Variants in HECTD4 observed in about 807,000 individuals in gnomAD.
HECTD4 encodes the protein probable E3 ubiquitin-protein ligase HECTD4.
Under a neutral mutation model 471.5 loss-of-function variants are expected in HECTD4, and 114 were observed. The observed-to-expected ratio is 0.24, with a 90% CI of 0.21 to 0.28. HECTD4 has a LOEUF of 0.28. Among genes scored for constraint, HECTD4 ranks in the 10% least tolerant of loss-of-function variants. The probability of loss-of-function intolerance (pLI) is 1.00; values close to 1 mark genes in which losing one functional copy is unlikely to be tolerated. For synonymous variants in HECTD4, 2,012 were observed against 2,256.0 expected, an observed-to-expected ratio of 0.89 and a Z score of 3.07; for missense variants, 3,866 against 5,651.5, an observed-to-expected ratio of 0.68 and a Z score of 10.13.
At position 112,178,998 on chromosome 12, in the gene HECTD4, C is replaced by T. The variant is rs2031566659; in HGVS notation, c.11296G>A (p.Val3766Met). ...GTGATAGGCCGCTTGGTGCTCACCA[C>T]CTTCACGGGGTGCTGCTCCTTCCCG... ...KAGKEQHPVK[V>M]VSTKRPITKP... is the part of the protein sequence containing the mutation. Residue 3766 changes from valine to methionine, a missense_variant, in exon 64 of 76, where the codon GTG becomes ATG. Around this residue, in one of 16 missense-constraint regions of HECTD4, gnomAD observed 715 missense variants for 1,087.6 expected, o/e 0.66. Transcript: ENST00000682272. The T allele has an allele frequency of 6.2e-7, 1 of 1,613,410 alleles. No homozygotes were observed. The highest frequency in any genetic ancestry group is 1.3e-5 in the African/African-American group (1 of 74,950).
Position 112,163,587 on chromosome 12 carries a change from C to T in HECTD4, c.12852G>A (p.Glu4284=), listed in dbSNP as rs1425447900. ...LLTMLSPLEM[E]LRTCGLPYIN... is the part of the protein sequence containing the mutation. ...TGTAGGGGAGGCCGCAGGTGCGCAGCTCCATCTCCAGTGGGCTGAGCATGG... is the reference window on the plus strand; with the variant it reads ...TGTAGGGGAGGCCGCAGGTGCGCAGTTCCATCTCCAGTGGGCTGAGCATGG... The change falls in exon 74 of 76, where the codon GAG becomes GAA. Residue 4284 remains glutamate, a synonymous_variant. Transcript: ENST00000682272. This position sits in a 1 kb window ranked among gnomAD's most constrained non-coding sequence, Gnocchi z 8.2. 1 of 1,517,936 alleles carries T rather than the reference C, an allele frequency of 6.6e-7. No individual in the cohort carries two copies. Among genetic ancestry groups the T allele is most frequent in the South Asian group, 1.3e-5 (1 of 79,358 alleles). The allele number at this position is 1,517,936 out of a possible 1,614,324, so 94.0% of individuals were successfully genotyped here.
chr12:112,349,502 C>T (rs2036215595), intron 1 of HECTD4, among the ~76,000 whole-genome samples: 1 of 151,712 alleles, frequency 6.6e-6, no homozygotes, highest in Non-Finnish European at 1.5e-5. Context: ...CATGTTATTT[C>T]CTTATCAAGT....
Position 112,273,791 on chromosome 12 carries a change from C to T in HECTD4, c.1806G>A (p.Ala602=), listed in dbSNP as rs369071740. The part of the protein sequence containing the change: ...GRGALVPGLG[A]CYDTVNNMLW... ...GCATGTTGTTCACTGTGTCATAACA[C>T]GCTCCTGCAAAAAGAGCATACTGTA... is the stretch of plus-strand genomic sequence containing the variant. Residue 602 remains alanine, a synonymous_variant, in exon 11 of 76, where the codon GCG becomes GCA. Transcript: ENST00000682272. The T allele has an allele frequency of 3.7e-5, 59 of 1,613,456 alleles. No homozygotes were observed. The highest frequency in any genetic ancestry group is 1.0e-4 in the Admixed American group (6 of 59,954).
chr12:112,237,237 A>C lies in HECTD4; in HGVS notation c.5291-139T>G, dbSNP rs1025867550. The C allele has an allele frequency of 1.2e-5, 7 of 583,688 alleles. No individual in the cohort carries two copies. The Admixed American group carries it at 2.2e-4, about 18-fold the overall frequency. The allele number at this position is 583,688 out of a possible 1,614,324, so 36.2% of individuals were successfully genotyped here. A position where few individuals can be genotyped will look rare whatever the true frequency, so the allele number is the denominator to read the frequency against. ...TCTAATAGTGTCTCCTCATTAGATA[A>C]TGTCTACACATAAAAAGGATAATAG... is the stretch of plus-strand genomic sequence containing the variant. On this transcript the variant is annotated intron_variant, in intron 34 of 75. Transcript: ENST00000682272.
At chr12:112,264,378 A>C (rs1038319987) in intron 16 of HECTD4, among the ~76,000 whole-genome samples, 166 bp from the exon 17 acceptor site, 2 of 152,244 alleles carry the variant, frequency 1.3e-5, no homozygotes, top group Admixed American at 6.5e-5. Context: ...CTTTCCATAC[A>C]TACTTTGACA....
intron 48 of HECTD4, among the ~76,000 whole-genome samples, chr12:112,214,424 C>T (rs988089477): frequency 6.6e-6 from 1 of 152,154 alleles, no homozygotes; most frequent in Non-Finnish European, 1.5e-5. Context: ...TGTCATTGTT[C>T]GCCACGGCAT....
intron 8 of HECTD4, among the ~76,000 whole-genome samples, chr12:112,282,767 T>G (rs1208178121): frequency 6.6e-6 from 1 of 152,232 alleles, no homozygotes; most frequent in Non-Finnish European, 1.5e-5. Context: ...ATTTGCTTGG[T>G]CAAGACTGTA....
Position 112,338,482 on chromosome 12 carries a change from A to G in HECTD4, c.178-18740T>C, listed in dbSNP as rs1238270195. 6.6e-5 allele frequency among the ~76,000 whole-genome samples: 10 copies of G among 152,184 alleles called. No homozygotes were observed. The South Asian group carries it at 1.9e-3, about 28-fold the overall frequency. On this transcript the variant is annotated intron_variant, in intron 1 of 75. Coordinates refer to ENST00000682272, the MANE Select transcript of HECTD4 (RefSeq NM_001388303.1). ...CTAAAAATACAAAAATTAGCTAGAC[A>G]TGGTGGTGCGTGCCTGTAGTCACAG...
chr12:112,294,990 C>T (rs538775319), intron 7 of HECTD4, among the ~76,000 whole-genome samples: 1 of 151,970 alleles, frequency 6.6e-6, no homozygotes, highest in South Asian at 2.1e-4. Context: ...ATTTAATAAG[C>T]TTCTACTGTG....
At position 112,362,882 on chromosome 12, in the gene HECTD4, A is replaced by G. The variant is rs1240360410; in HGVS notation, c.177+19070T>C. ...ATGCCCGGCTAATTTTTGTATATTT[A>G]GTAGAGACGGGGTTCCACCATGTTT... On this transcript the variant is annotated intron_variant, in intron 1 of 75. Transcript: ENST00000682272. Among the ~76,000 whole-genome samples the G allele has an allele frequency of 2.0e-5, 3 of 152,112 alleles. No individual in the cohort carries two copies. In the East Asian group the frequency reaches 5.8e-4, roughly 29 times the overall value.
chr12:112,214,188 A>G (rs1355844939), intron 48 of HECTD4, among the ~76,000 whole-genome samples: 2 of 152,222 alleles, frequency 1.3e-5, no homozygotes, highest in Non-Finnish European at 2.9e-5. Flanking sequence ...ATCTGATAAG[A>G]TGACTGGACA....
Position 112,162,789 on chromosome 12 carries a change from T to C in HECTD4, c.13120+253A>G, listed in dbSNP as rs1055533790. On this transcript the variant is annotated intron_variant, in intron 75 of 75. Transcript: ENST00000682272. This position sits in a 1 kb window ranked among gnomAD's most constrained non-coding sequence, Gnocchi z 5.2. ...GTTTCTTTTTTTTTTTTTTTAACCATTTTTCTGCATTTAAAAGTTAGAAGA... is the reference window on the plus strand; with the variant it reads ...GTTTCTTTTTTTTTTTTTTTAACCACTTTTCTGCATTTAAAAGTTAGAAGA... 1.8e-6 allele frequency: 1 copy of C among 554,166 alleles called. No individual in the cohort carries two copies. Among genetic ancestry groups the C allele is most frequent in the Non-Finnish European group, 3.2e-6 (1 of 316,952 alleles). 34.3% of individuals were successfully genotyped at this position (554,166 alleles called of 1,614,324 possible). A position where few individuals can be genotyped will look rare whatever the true frequency, so the allele number is the denominator to read the frequency against.
At chr12:112,172,613 G>A in intron 67 of HECTD4, 58 bp downstream of exon 67, 1 of 1,546,866 alleles carries the variant, frequency 6.5e-7, no homozygotes, top group Non-Finnish European at 8.9e-7. Flanking sequence ...AATGCCCCTT[G>A]TCATGGGGCA....
At chr12:112,181,863 G>A (rs1306483790) in intron 62 of HECTD4, among the ~76,000 whole-genome samples, 4 of 152,144 alleles carry the variant, frequency 2.6e-5, no homozygotes, top group Admixed American at 2.6e-4. Flanking sequence ...AGGCCAAGGC[G>A]GGCAAATCAC....
intron 1 of HECTD4, among the ~76,000 whole-genome samples, chr12:112,373,479 G>A (rs1418845920): frequency 6.6e-6 from 1 of 151,992 alleles, no homozygotes; most frequent in Non-Finnish European, 1.5e-5. Context: ...CCGAGATCAC[G>A]CCACTGCACT....
chr12:112,286,345 A>C (rs1410018619), intron 7 of HECTD4, among the ~76,000 whole-genome samples: 2 of 152,134 alleles, frequency 1.3e-5, no homozygotes, highest in East Asian at 1.9e-4. Flanking sequence ...AGGCACCCCA[A>C]TGGTTTACTC....
rs1451771851 is a variant in HECTD4, at chr12:112,179,038, G to A, written c.11256C>T (p.Ser3752=). 1 of 1,613,930 alleles carries A rather than the reference G, an allele frequency of 6.2e-7. No homozygotes were observed. The highest frequency in any genetic ancestry group is 8.5e-7 in the Non-Finnish European group (1 of 1,179,892). Residue 3752 remains serine, a synonymous_variant, in exon 64 of 76, where the codon AGC becomes AGT. Transcript: ENST00000682272. This position sits in a 1 kb window ranked among gnomAD's most constrained non-coding sequence, Gnocchi z 4.3. ...YGVPKPKFDK[S]KYSKAGKEQH... is the part of the protein sequence containing the mutation. Reference sequence around the variant, plus strand: ...GCTCCTTCCCGGCCTTGCTGTACTTGCTCTTGTCAAACTTGGGCTTTGGCA... The same window carrying A: ...GCTCCTTCCCGGCCTTGCTGTACTTACTCTTGTCAAACTTGGGCTTTGGCA...
chr12:112,263,964 C>T (rs73207631), intron 17 of HECTD4, 120 bp downstream of exon 17: 48 of 928,030 alleles, frequency 5.2e-5, no homozygotes, highest in Middle Eastern at 2.3e-4. Context: ...CTAATGTTAC[C>T]TCTCACAAGA....
intron 19 of HECTD4, 57 bp from the exon 20 acceptor site, chr12:112,258,653 T>C: frequency 7.2e-7 from 1 of 1,379,590 alleles, no homozygotes; most frequent in Non-Finnish European, 1.0e-6. Context: ...ATCTGAATGG[T>C]ATGACAGCCA....
Sources: gnomAD v4.1 joint callset for allele counts (sites outside exome capture counted in the v4.1 genomes callset) on GRCh38, gnomAD v4.1.1 for gene constraint, gnomAD v4.1.1 regional missense constraint, Gnocchi (gnomAD v3.1) non-coding constraint, MANE v1.5 for transcripts, NCBI Gene and HGNC (gene_info 2026-07-23, HGNC 2026-07-21) for gene names.